C17orf67: variants seen among roughly 807,000 people sequenced by gnomAD.
C17orf67 encodes the protein uncharacterized protein C17orf67.
A neutral mutation model predicts 11.2 loss-of-function variants in C17orf67; 12 were observed. The observed-to-expected ratio is 1.07, with a 90% CI of 0.68 to 1.73. The LOEUF (loss-of-function observed/expected upper bound fraction) is 1.73. Among genes scored for constraint, C17orf67 ranks in the 40% most tolerant of loss-of-function variants. C17orf67 has a pLI of 0.00. For synonymous variants in C17orf67, 59 were observed against 46.9 expected (o/e 1.26, Z -1.05); for missense variants, 115 against 113.5 (o/e 1.01, Z -0.06).
rs1364131865 is a variant in C17orf67, at chr17:56,797,880, T to G, written c.157-2700A>C. ...TGTATATGGGTTACTCATGGCATTA[T>G]GTCCTATAAGTGATGCATAAAACAG... On this transcript the variant is annotated intron_variant, in intron 6 of 7. Transcript: ENST00000397861. 2.0e-5 allele frequency among the ~76,000 whole-genome samples: 3 copies of G among 152,212 alleles called. No individual in the cohort carries two copies. The East Asian group carries it at 5.8e-4, about 29-fold the overall frequency.
chr17:56,798,393 CCT>C (rs1217425464), intron 6 of C17orf67, among the ~76,000 whole-genome samples: 2 of 152,122 alleles, frequency 1.3e-5, no homozygotes, highest in East Asian at 3.8e-4. Context: ...CCATATATCC[CCT>C]GTCTTCACAC....
intron 6 of C17orf67, among the ~76,000 whole-genome samples, chr17:56,796,397 T>G (rs768827901): frequency 6.6e-6 from 1 of 152,208 alleles, no homozygotes; most frequent in Non-Finnish European, 1.5e-5. Context: ...TGCTACAACA[T>G]GGATGAACCT....
chr17:56,821,172 C>A (rs983668899), intron 4 of C17orf67, among the ~76,000 whole-genome samples: 2 of 152,114 alleles, frequency 1.3e-5, no homozygotes, highest in Non-Finnish European at 2.9e-5. Flanking sequence ...ATCCTACCCC[C>A]TTGGCCTCCC....
chr17:56,819,598 G>A (rs1013925454), intron 4 of C17orf67, among the ~76,000 whole-genome samples: 4 of 152,154 alleles, frequency 2.6e-5, no homozygotes, highest in Non-Finnish European at 4.4e-5. Context: ...GGGGAGGGCC[G>A]TTCAGGTGTG....
At chr17:56,793,941 A>G (rs902010223) in intron 7 of C17orf67, among the ~76,000 whole-genome samples, 1 of 152,230 alleles carries the variant, frequency 6.6e-6, no homozygotes, top group Non-Finnish European at 1.5e-5. Flanking sequence ...TTCCACTGCC[A>G]GCAGGTGATC....
chr17:56,809,557 CACAT>C (rs1259897139), intron 6 of C17orf67, among the ~76,000 whole-genome samples: 1 of 145,568 alleles, frequency 6.9e-6, no homozygotes, highest in Non-Finnish European at 1.5e-5. Context: ...CACACCCTCA[CACAT>C]ACACAGCCTC....
In C17orf67 at chr17:56,825,797, A is replaced by T. The variant is rs574519843; in HGVS notation, c.-556-476T>A. ...TACCACATCATCAAAAGTATGCATT[A>T]AAAAAAAGTAAATCAGTTTCCATAG... On this transcript the variant is annotated intron_variant, in intron 2 of 7. Coordinates refer to ENST00000397861, the MANE Select transcript of C17orf67 (RefSeq NM_001085430.4). 1.1e-4 allele frequency among the ~76,000 whole-genome samples: 17 copies of T among 152,120 alleles called. No individual in the cohort carries two copies. In the South Asian group the frequency reaches 3.5e-3, roughly 32 times the overall value.
chr17:56,831,144 T>G, intron 2 of C17orf67, among the ~76,000 whole-genome samples: 1 of 119,154 alleles, frequency 8.4e-6, no homozygotes, highest in Non-Finnish European at 1.8e-5. Context: ...GAAGACCAGG[T>G]GGGAGGCTGT....
intron 6 of C17orf67, 108 bp from the exon 7 acceptor site, chr17:56,795,288 G>A: frequency 2.1e-6 from 2 of 967,040 alleles, no homozygotes; most frequent in Non-Finnish European, 3.2e-6. Flanking sequence ...TGGGAGGACA[G>A]GCAGGGAGAA....
chr17:56,796,614 C>A (rs1475645478), intron 6 of C17orf67, among the ~76,000 whole-genome samples: 1 of 152,198 alleles, frequency 6.6e-6, no homozygotes, highest in Non-Finnish European at 1.5e-5. Flanking sequence ...AGAACACCAA[C>A]TGTCATTGCC....
chr17:56,796,085 T>C (rs1436539280), intron 6 of C17orf67, among the ~76,000 whole-genome samples: 3 of 152,196 alleles, frequency 2.0e-5, no homozygotes, highest in East Asian at 1.9e-4. Flanking sequence ...AATATAAAAA[T>C]GTTACTAGAA....
intron 2 of C17orf67, among the ~76,000 whole-genome samples, chr17:56,829,403 G>A (rs1490101041): frequency 1.3e-5 from 2 of 152,218 alleles, no homozygotes; most frequent in East Asian, 3.8e-4. Context: ...TGGCAGAGAC[G>A]TTATCTATGC....
At position 56,810,252 on chromosome 17, in the gene C17orf67, C is replaced by T. The variant is rs535341333; in HGVS notation, c.156+4617G>A. Among the ~76,000 whole-genome samples the T allele has an allele frequency of 7.6e-5, 11 of 144,770 alleles. 1 individual carries two copies. Among genetic ancestry groups the T allele is most frequent in the Admixed American group, 1.4e-4 (2 of 14,514 alleles). 95.0% of individuals were successfully genotyped at this position (144,770 alleles called of 152,430 possible). ...CACATACATCCTCACACACATGCAT[C>T]GCTCTCCCACACTCCTCATGCACCC... is the stretch of plus-strand genomic sequence containing the variant. On this transcript the variant is annotated intron_variant, in intron 6 of 7. Transcript: ENST00000397861.
At chr17:56,814,157 A>G (rs1480220471) in intron 6 of C17orf67, among the ~76,000 whole-genome samples, 1 of 152,240 alleles carries the variant, frequency 6.6e-6, no homozygotes, top group East Asian at 1.9e-4. Context: ...CCAGGATGGG[A>G]GACCAGCCTG....
intron 6 of C17orf67, among the ~76,000 whole-genome samples, chr17:56,805,593 G>A (rs1215419836): frequency 1.3e-5 from 2 of 152,116 alleles, no homozygotes; most frequent in African/African-American, 4.8e-5. Flanking sequence ...ATTGTTTAAA[G>A]TCTTTTGGAA....
intron 6 of C17orf67, among the ~76,000 whole-genome samples, chr17:56,797,768 G>A (rs1047569609): frequency 6.6e-6 from 1 of 152,182 alleles, no homozygotes; most frequent in African/African-American, 2.4e-5. Context: ...TTTATCAACA[G>A]GAATGTCACT....
At chr17:56,827,001 T>C (rs998613631) in intron 2 of C17orf67, among the ~76,000 whole-genome samples, 3 of 152,266 alleles carry the variant, frequency 2.0e-5, no homozygotes, top group African/African-American at 7.2e-5. Flanking sequence ...TGTGCAATGC[T>C]TGGCACATAG....
At position 56,829,294 on chromosome 17, in the gene C17orf67, T is replaced by TA. The variant is rs572363462; in HGVS notation, c.-557+3603dup. On this transcript the variant is annotated intron_variant, in intron 2 of 7. Transcript: ENST00000397861. ...TCCATTGCAAAAAAATAAAATAAAA[T>TA]AAAAATCACATCCCTGGTTCAAGAA... 3.8e-4 allele frequency among the ~76,000 whole-genome samples: 57 copies of TA among 151,756 alleles called. No homozygotes were observed. In the South Asian group the frequency reaches 0.012, roughly 32 times the overall value.
intron 4 of C17orf67, among the ~76,000 whole-genome samples, chr17:56,822,537 A>G (rs1370628932): frequency 6.6e-6 from 1 of 152,194 alleles, no homozygotes; most frequent in East Asian, 1.9e-4. Context: ...TATTTAAAAG[A>G]GGTATGTGTA....
Sources: allele counts gnomAD v4.1 joint callset (sites outside exome capture counted in the v4.1 genomes callset), GRCh38; gene constraint gnomAD v4.1.1; transcripts MANE v1.5; gene names NCBI Gene and HGNC (gene_info 2026-07-23, HGNC 2026-07-21).